TUBA8: variants seen among roughly 807,000 people sequenced by gnomAD.
TUBA8 encodes tubulin alpha 8.
A neutral mutation model predicts 34.7 loss-of-function variants in TUBA8; 29 were observed. The ratio of observed to expected loss-of-function variants is 0.84; its 90% CI spans 0.62 to 1.14. The LOEUF is 1.14. Among genes scored for constraint, TUBA8 ranks in the 50% most tolerant of loss-of-function variants. TUBA8 has a pLI of 0.00. For missense variants in TUBA8, 541 were observed against 599.2 expected (o/e 0.90, Z 1.01); for synonymous variants, 226 against 231.2 (o/e 0.98, Z 0.21).
chr22:18,131,403 A>T lies in TUBA8; in HGVS notation c.*267A>T. ...GGGTGAGGCTGCAGCCCAGTTTCAC[A>T]TGCGAGGAGGCCTAATCAGGAGTTT... On this transcript the variant is annotated 3_prime_UTR_variant, in exon 5 of 5. Transcript: ENST00000330423. This position sits in a 1 kb window ranked among gnomAD's most constrained non-coding sequence, Gnocchi z 5.3. 2.1e-6 allele frequency: 1 copy of T among 472,242 alleles called. No homozygotes were observed. The highest frequency in any genetic ancestry group is 3.9e-6 in the Non-Finnish European group (1 of 257,480). 29.3% of individuals were successfully genotyped at this position (472,242 alleles called of 1,614,324 possible).
chr22:18,121,663 C>G lies in TUBA8; in HGVS notation c.188C>G (p.Pro63Arg). Reference protein sequence around the residue: ...FSETGNGKHVPRAVMIDLEPT... With the variant: ...FSETGNGKHVRRAVMIDLEPT... ...GAGACTGGCAATGGGAAGCATGTGC[C>G]CCGGGCCGTCATGATAGATCTGGAG... is the stretch of plus-strand genomic sequence containing the variant. The change falls in exon 2 of 5, where the codon CCC (proline) becomes CGC (arginine). Residue 63 changes from proline to arginine, a missense_variant. Transcript: ENST00000330423. The surrounding 1 kb of genome is among the most constrained non-coding windows in gnomAD (Gnocchi z 4.8). The G allele has an allele frequency of 6.2e-7, 1 of 1,614,196 alleles. No individual in the cohort carries two copies. Among genetic ancestry groups the G allele is most frequent in the Non-Finnish European group, 8.5e-7 (1 of 1,180,040 alleles).
At position 18,119,410 on chromosome 22, in the gene TUBA8, A is replaced by G. The variant is rs976395742; in HGVS notation, c.4-2069A>G. 2 of 152,234 alleles carry G rather than the reference A, an allele frequency of 1.3e-5. No homozygotes were observed. The highest frequency in any genetic ancestry group is 1.3e-4 in the Admixed American group (2 of 15,290). 9.4% of individuals were successfully genotyped at this position (152,234 alleles called of 1,614,324 possible). On this transcript the variant is annotated intron_variant, in intron 1 of 4. Transcript: ENST00000330423. This position sits in a 1 kb window ranked among gnomAD's most constrained non-coding sequence, Gnocchi z 5.9. ...ACCAGGTAGTACCGTAATGAAAATG[A>G]TAATGGCAAGACAGCATCAACAACT...
At chr22:18,130,110 CTCTT>C (rs1294017031) in intron 4 of TUBA8, 3 of 152,192 alleles carry the variant, frequency 2.0e-5, no homozygotes, top group East Asian at 1.9e-4. Flanking sequence ...CCTTTCGGCT[CTCTT>C]TATTTATTGC....
chr22:18,126,279 G>T lies in TUBA8; in HGVS notation c.376-75G>T. The T allele has an allele frequency of 7.2e-7, 1 of 1,388,514 alleles. No homozygotes were observed. The highest frequency in any genetic ancestry group is 1.0e-6 in the Non-Finnish European group (1 of 977,884). The allele number at this position is 1,388,514 out of a possible 1,614,324, so 86.0% of individuals were successfully genotyped here. ...AAAATATGAGGCAGACAGAGTGGGCGGTCTGGCTTTTTTACTGTGGGGTGT... is the reference window on the plus strand; with the variant it reads ...AAAATATGAGGCAGACAGAGTGGGCTGTCTGGCTTTTTTACTGTGGGGTGT... On this transcript the variant is annotated intron_variant, in intron 3 of 4. Transcript: ENST00000330423. The surrounding 1 kb of genome is among the most constrained non-coding windows in gnomAD (Gnocchi z 4.0).
chr22:18,110,968 G>A lies in TUBA8; in HGVS notation c.3+100G>A. On this transcript the variant is annotated intron_variant, in intron 1 of 4. Coordinates refer to ENST00000330423, the MANE Select transcript of TUBA8 (RefSeq NM_018943.3). This position sits in a 1 kb window ranked among gnomAD's most constrained non-coding sequence, Gnocchi z 6.2. ...CGCACGGACCCGTCTTCCTGGAGCC[G>A]CAGGGCTCAAGGCCTTCTGGGGGTG... The A allele has an allele frequency of 3.3e-6, 5 of 1,516,400 alleles. No individual in the cohort carries two copies. The highest frequency in any genetic ancestry group is 4.4e-6 in the Non-Finnish European group (5 of 1,131,336). The allele number at this position is 1,516,400 out of a possible 1,614,324, so 93.9% of individuals were successfully genotyped here.
At chr22:18,127,256 A>G (rs1391312672) in intron 4 of TUBA8, 4 of 553,542 alleles carry the variant, frequency 7.2e-6, no homozygotes, top group Non-Finnish European at 9.6e-6. Flanking sequence ...GCTATTTTAA[A>G]TTGATTAATT....
chr22:18,121,010 C>T lies in TUBA8; in HGVS notation c.4-469C>T, dbSNP rs1928128080. 2 of 185,986 alleles carry T rather than the reference C, an allele frequency of 1.1e-5. No individual in the cohort carries two copies. The highest frequency in any genetic ancestry group is 2.3e-5 in the Non-Finnish European group (2 of 87,318). 11.5% of individuals were successfully genotyped at this position (185,986 alleles called of 1,614,324 possible). On this transcript the variant is annotated intron_variant, in intron 1 of 4. Coordinates refer to ENST00000330423, the MANE Select transcript of TUBA8 (RefSeq NM_018943.3). This position sits in a 1 kb window ranked among gnomAD's most constrained non-coding sequence, Gnocchi z 4.8. The stretch of plus-strand genomic sequence containing the variant: ...CCAGAGCATGTTCCTTTCATGAGTG[C>T]TCATTTGCTCTGTGATATCCTGAGA...
Position 18,131,236 on chromosome 22 carries a change from C to T in TUBA8, c.*100C>T. Reference sequence around the variant, plus strand: ...CACTCTCCCCGCCCCAGCCTGATTCCTGCCTTACCCAGGAGGAGGGTGCCT... The same window carrying T: ...CACTCTCCCCGCCCCAGCCTGATTCTTGCCTTACCCAGGAGGAGGGTGCCT... On this transcript the variant is annotated 3_prime_UTR_variant, in exon 5 of 5. Transcript: ENST00000330423. The surrounding 1 kb of genome is among the most constrained non-coding windows in gnomAD (Gnocchi z 5.3). The T allele has an allele frequency of 2.9e-6, 4 of 1,363,566 alleles. No individual in the cohort carries two copies. Among genetic ancestry groups the T allele is most frequent in the Non-Finnish European group, 4.1e-6 (4 of 972,878 alleles). 84.5% of individuals were successfully genotyped at this position (1,363,566 alleles called of 1,614,324 possible).
rs1928061027 is a variant in TUBA8 at position 18,119,006 on chromosome 22, C to CT, written c.4-2472dup. 1 of 152,470 alleles carries CT rather than the reference C, an allele frequency of 6.6e-6. No individual in the cohort carries two copies. Among genetic ancestry groups the CT allele is most frequent in the Non-Finnish European group, 1.5e-5 (1 of 68,186 alleles). The allele number at this position is 152,470 out of a possible 1,614,324, so 9.4% of individuals were successfully genotyped here. On this transcript the variant is annotated intron_variant, in intron 1 of 4. Coordinates refer to ENST00000330423, the MANE Select transcript of TUBA8 (RefSeq NM_018943.3). This position sits in a 1 kb window ranked among gnomAD's most constrained non-coding sequence, Gnocchi z 5.9. ...AGAGCAGGCTGGGGGCCGGGCAGCA[C>CT]TGTAGGCAGGACTAGAGGGTGGTCG...
chr22:18,128,389 G>C (rs1368637708), intron 4 of TUBA8: 1 of 152,256 alleles, frequency 6.6e-6, no homozygotes, highest in Middle Eastern at 3.4e-3. Context: ...AATGGTAGAA[G>C]TCACCCCTCT....
chr22:18,125,554 G>T (rs1043578457), intron 3 of TUBA8: 1 of 151,392 alleles, frequency 6.6e-6, no homozygotes, highest in African/African-American at 2.4e-5. Flanking sequence ...GTTTGGAGAG[G>T]TTCAGTAACT....
At position 18,111,101 on chromosome 22, in the gene TUBA8, G is replaced by C. The variant is rs1927790722; in HGVS notation, c.3+233G>C. On this transcript the variant is annotated intron_variant, in intron 1 of 4. Coordinates refer to ENST00000330423, the MANE Select transcript of TUBA8 (RefSeq NM_018943.3). This position sits in a 1 kb window ranked among gnomAD's most constrained non-coding sequence, Gnocchi z 5.1. Reference sequence around the variant, plus strand: ...CCAGTTGTTCCTTAAAGGGACCTAAGGGAGCTTTGCGTGCAGACGAGGGGG... The same window carrying C: ...CCAGTTGTTCCTTAAAGGGACCTAACGGAGCTTTGCGTGCAGACGAGGGGG... 1.4e-5 allele frequency: 9 copies of C among 636,836 alleles called. No homozygotes were observed. In the South Asian group the frequency reaches 1.8e-4, roughly 13 times the overall value. The allele number at this position is 636,836 out of a possible 1,614,324, so 39.4% of individuals were successfully genotyped here.
chr22:18,122,702 G>A (rs1928182473), intron 2 of TUBA8: 1 of 152,120 alleles, frequency 6.6e-6, no homozygotes, highest in South Asian at 2.1e-4. Flanking sequence ...TTGCCACCAT[G>A]AGGTGGAGTT....
intron 4 of TUBA8, chr22:18,129,881 G>A (rs760824228): frequency 6.6e-6 from 1 of 152,392 alleles, no homozygotes; most frequent in African/African-American, 2.4e-5. Context: ...GGTTCCTGGG[G>A]TTGGCTTTGG....
intron 1 of TUBA8, chr22:18,113,147 A>C (rs994366469): frequency 2.0e-5 from 3 of 152,032 alleles, no homozygotes; most frequent in African/African-American, 7.2e-5. Flanking sequence ...CTGTGAACTT[A>C]CCCCCAACCC....
rs773155638 is a variant in TUBA8 at position 18,126,589 on chromosome 22, T to G, written c.611T>G (p.Val204Gly). ...TLEHSDCAFMVDNEAIYDICR... is the reference protein window; with the variant it reads ...TLEHSDCAFMGDNEAIYDICR... ...GAACATTCAGATTGTGCTTTCATGG[T>G]GGACAACGAAGCCATCTATGACATC... The change falls in exon 4 of 5, where the codon GTG (valine) becomes GGG (glycine). Residue 204 changes from valine to glycine, a missense_variant. Val to Gly is a moderately radical substitution (Grantham distance 109, BLOSUM62 -3). Coordinates refer to ENST00000330423, the MANE Select transcript of TUBA8 (RefSeq NM_018943.3). The surrounding 1 kb of genome is among the most constrained non-coding windows in gnomAD (Gnocchi z 4.0). 3.1e-6 allele frequency: 5 copies of G among 1,614,058 alleles called. No individual in the cohort carries two copies. The highest frequency in any genetic ancestry group is 3.4e-6 in the Non-Finnish European group (4 of 1,180,036).
chr22:18,114,097 G>T (rs144082575), intron 1 of TUBA8: 2 of 152,310 alleles, frequency 1.3e-5, no homozygotes, highest in Non-Finnish European at 2.9e-5. Context: ...CCCTCAAGCC[G>T]CAAGGGACGG....
rs1004833584 is a variant in TUBA8, at chr22:18,126,028, A to T, written c.376-326A>T. On this transcript the variant is annotated intron_variant, in intron 3 of 4. Coordinates refer to ENST00000330423, the MANE Select transcript of TUBA8 (RefSeq NM_018943.3). This position sits in a 1 kb window ranked among gnomAD's most constrained non-coding sequence, Gnocchi z 4.0. ...AGGTGTGCATCACCACGCCCAGTTA[A>T]CTTTTAAAATTTTTTGTAGATGCGA... 2.8e-6 allele frequency: 1 copy of T among 360,150 alleles called. No homozygotes were observed. Among genetic ancestry groups the T allele is most frequent in the Admixed American group, 4.4e-5 (1 of 22,648 alleles). 22.3% of individuals were successfully genotyped at this position (360,150 alleles called of 1,614,324 possible). A position where few individuals can be genotyped will look rare whatever the true frequency, so the allele number is the denominator to read the frequency against.
chr22:18,121,858 C>T lies in TUBA8; in HGVS notation c.226+157C>T. 1 of 678,262 alleles carries T rather than the reference C, an allele frequency of 1.5e-6. No homozygotes were observed. The allele number at this position is 678,262 out of a possible 1,614,324, so 42.0% of individuals were successfully genotyped here. On this transcript the variant is annotated intron_variant, in intron 2 of 4. Coordinates refer to ENST00000330423, the MANE Select transcript of TUBA8 (RefSeq NM_018943.3). The surrounding 1 kb of genome is among the most constrained non-coding windows in gnomAD (Gnocchi z 4.8). The stretch of plus-strand genomic sequence containing the variant: ...TGACATCTGTCAGCTCCTTGGGGTC[C>T]CCACAGTCTCGGGGAATCTCATGAC...
Sources: allele counts gnomAD v4.1 joint callset, GRCh38; gene constraint gnomAD v4.1.1; non-coding constraint Gnocchi (gnomAD v3.1); transcripts MANE v1.5; gene names NCBI Gene and HGNC (gene_info 2026-07-23, HGNC 2026-07-21).